The following OPA1 variants were observed in gnomAD, a reference collection of about 807,000 sequenced individuals.
OPA1 encodes the protein dynamin-like GTPase OPA1, mitochondrial.
OPA1 carries 59 observed loss-of-function variants against 152.9 expected under a neutral mutation model. The ratio of observed to expected loss-of-function variants is 0.39; its 90% CI spans 0.31 to 0.48. The LOEUF is 0.48. Ranked by LOEUF, OPA1 falls within the 20% of genes least tolerant of loss-of-function variation. The probability of loss-of-function intolerance (pLI) is 0.96; values close to 1 mark genes in which losing one functional copy is unlikely to be tolerated. For synonymous variants in OPA1, 400 were observed against 389.9 expected, an observed-to-expected ratio of 1.03 and a Z score of -0.31; for missense variants, 1,008 against 1,216.8, an observed-to-expected ratio of 0.83 and a Z score of 2.55.
rs756981921 is a variant in OPA1, at chr3:193,642,808, A to G, written c.1193A>G (p.Asp398Gly). 1 of 1,613,678 alleles carries G rather than the reference A, an allele frequency of 6.2e-7. No individual in the cohort carries two copies. Among genetic ancestry groups the G allele is most frequent in the Non-Finnish European group, 8.5e-7 (1 of 1,179,708 alleles). ...CCTCACCATGTGGCCCTATTTAAAG[A>G]TAGTTCTCGGGAGTTTGATCTTACC... ...EGPHHVALFK[D>G]SSREFDLTKE... The change falls in exon 12 of 31, where the codon GAT becomes GGT. Residue 398 changes from aspartate to glycine, a missense_variant. Asp to Gly is a moderately conservative substitution (Grantham distance 94). Around this residue, in one of 7 missense-constraint regions of OPA1, gnomAD observed 213 missense variants for 291.4 expected, o/e 0.73. Transcript: ENST00000361510.
At position 193,624,168 on chromosome 3, in the gene OPA1, C is replaced by T. The variant is rs570949660; in HGVS notation, c.679-1924C>T. ...AAAAGCATTGTGTGCCTTATAGACG[C>T]GAGTGAGAAATGTGGAATATGGCTG... On this transcript the variant is annotated intron_variant, in intron 6 of 30. Transcript: ENST00000361510. 4 of 152,274 alleles carry T rather than the reference C, an allele frequency of 2.6e-5. No homozygotes were observed. The East Asian group carries it at 5.8e-4, about 22-fold the overall frequency. The allele number at this position is 152,274 out of a possible 1,614,324, so 9.4% of individuals were successfully genotyped here.
At position 193,680,221 on chromosome 3, in the gene OPA1, A is replaced by ACTTCT. The variant is rs540982091; in HGVS notation, c.2984-11842_2984-11841insCTTCT. Among the ~76,000 whole-genome samples the ACTTCT allele has an allele frequency of 3.3e-5, 5 of 152,252 alleles. No individual in the cohort carries two copies. The East Asian group carries it at 9.7e-4, about 29-fold the overall frequency. On this transcript the variant is annotated intron_variant, in intron 29 of 30. Coordinates refer to ENST00000361510, the MANE Select transcript of OPA1 (RefSeq NM_130837.3). ...TTACATTCTCTGATCTTTTACTTTT[A>ACTTCT]AAATTACAGTGATGAACTGACTGTT... is the stretch of plus-strand genomic sequence containing the variant.
intron 29 of OPA1, among the ~76,000 whole-genome samples, chr3:193,682,703 C>T (rs1379044920): frequency 2.0e-5 from 3 of 152,198 alleles, no homozygotes; most frequent in Non-Finnish European, 1.5e-5. Context: ...GATGACAGCA[C>T]ATCTGTTTAC....
At chr3:193,653,247 G>A (rs192867803) in intron 21 of OPA1, among the ~76,000 whole-genome samples, 1 of 152,252 alleles carries the variant, frequency 6.6e-6, no homozygotes, top group Admixed American at 6.5e-5. Flanking sequence ...ACTGGAAAGT[G>A]ACCTGAAAGT....
At chr3:193,689,603 C>G (rs1181637872) in intron 29 of OPA1, among the ~76,000 whole-genome samples, 1 of 152,146 alleles carries the variant, frequency 6.6e-6, no homozygotes, top group African/African-American at 2.4e-5. Context: ...TGGTATCTTT[C>G]AATTCAATTG....
At chr3:193,660,213 T>C (rs1163654343) in intron 25 of OPA1, among the ~76,000 whole-genome samples, 1 of 152,182 alleles carries the variant, frequency 6.6e-6, no homozygotes, top group East Asian at 1.9e-4. Flanking sequence ...ATATCTACCA[T>C]TAAAGTCCCT....
intron 8 of OPA1, 61 bp from the exon 9 acceptor site, chr3:193,635,357 C>T: frequency 1.0e-6 from 1 of 997,980 alleles, no homozygotes; most frequent in Non-Finnish European, 1.6e-6. Context: ...TTAATTTAGA[C>T]TTAATACTAT....
chr3:193,676,757 G>C (rs1719078059), intron 29 of OPA1, among the ~76,000 whole-genome samples: 1 of 152,066 alleles, frequency 6.6e-6, no homozygotes, highest in Admixed American at 6.5e-5. Flanking sequence ...AAGGTGGGCG[G>C]ATCACAAGGT....
At chr3:193,598,991 AC>A (rs1257849951) in intron 1 of OPA1, among the ~76,000 whole-genome samples, 1 of 152,050 alleles carries the variant, frequency 6.6e-6, no homozygotes, top group Non-Finnish European at 1.5e-5. Context: ...GCTGGATAAA[AC>A]CTTGTGGTGA....
intron 21 of OPA1, among the ~76,000 whole-genome samples, chr3:193,653,569 T>C (rs1164253606): frequency 1.3e-5 from 2 of 152,200 alleles, no homozygotes; most frequent in Non-Finnish European, 2.9e-5. Flanking sequence ...TTTTTATTAG[T>C]GACCCATGTT....
At chr3:193,639,279 A>T (rs1733400705) in intron 11 of OPA1, among the ~76,000 whole-genome samples, 1 of 152,230 alleles carries the variant, frequency 6.6e-6, no homozygotes, top group Admixed American at 6.5e-5. Flanking sequence ...AGAGGGAGAC[A>T]GATAATAGAT....
intron 1 of OPA1, among the ~76,000 whole-genome samples, chr3:193,593,650 C>G (rs968539214): frequency 6.6e-6 from 1 of 152,216 alleles, no homozygotes; most frequent in Non-Finnish European, 1.5e-5. Context: ...CTGGACGCCT[C>G]TCAATCTTGG....
intron 19 of OPA1, 63 bp from the exon 20 acceptor site, chr3:193,647,998 TTTTAACCAC>T (rs1734968883): frequency 1.8e-6 from 2 of 1,083,786 alleles, no homozygotes; most frequent in East Asian, 2.4e-5. Context: ...AGGATATGTA[TTTTAACCAC>T]TTTAACCACT....
chr3:193,670,346 C>T (rs1200026678), intron 29 of OPA1, among the ~76,000 whole-genome samples: 6 of 150,682 alleles, frequency 4.0e-5, no homozygotes, highest in South Asian at 2.1e-4. Context: ...TAAGCTTGTA[C>T]GATTTTAAAT....
rs1722119954 is a variant in OPA1, at chr3:193,694,875, GAT to G, written c.*277_*278del. On this transcript the variant is annotated 3_prime_UTR_variant, in exon 31 of 31. Coordinates refer to ENST00000361510, the MANE Select transcript of OPA1 (RefSeq NM_130837.3). The stretch of plus-strand genomic sequence containing the variant: ...ATGGCCATTAGGTTCAGTCCTTGAA[GAT>G]AAGAAACTTGTTCTCTGTTTGTTGT... 1 of 152,198 alleles carries G rather than the reference GAT, an allele frequency of 6.6e-6. No individual in the cohort carries two copies. Among genetic ancestry groups the G allele is most frequent in the South Asian group, 2.1e-4 (1 of 4,824 alleles). 9.4% of individuals were successfully genotyped at this position (152,198 alleles called of 1,614,324 possible). A position where few individuals can be genotyped will look rare whatever the true frequency, so the allele number is the denominator to read the frequency against.
chr3:193,617,957 C>A, intron 5 of OPA1, 120 bp downstream of exon 5: 1 of 732,016 alleles, frequency 1.4e-6, no homozygotes, highest in South Asian at 1.5e-5. Flanking sequence ...TTTAAAACCC[C>A]AGAACTATAT....
chr3:193,611,753 G>C (rs982565558), intron 1 of OPA1, among the ~76,000 whole-genome samples: 1 of 152,140 alleles, frequency 6.6e-6, no homozygotes, highest in Non-Finnish European at 1.5e-5. Context: ...AGCCCCTGCA[G>C]GGAATACTCC....
At chr3:193,647,333 C>T (rs1449186405) in intron 19 of OPA1, among the ~76,000 whole-genome samples, 153 bp downstream of exon 19, 1 of 152,198 alleles carries the variant, frequency 6.6e-6, no homozygotes, top group Admixed American at 6.5e-5. Flanking sequence ...AGAATACAAA[C>T]CTTCAGTTGT....
intron 6 of OPA1, among the ~76,000 whole-genome samples, chr3:193,624,899 A>T (rs1004758366): frequency 6.6e-6 from 1 of 152,182 alleles, no homozygotes; most frequent in Non-Finnish European, 1.5e-5. Flanking sequence ...TAACTCTGAA[A>T]CTATTTAAAA....
Sources: gnomAD v4.1 joint callset for allele counts (sites outside exome capture counted in the v4.1 genomes callset) on GRCh38, gnomAD v4.1.1 for gene constraint, gnomAD v4.1.1 regional missense constraint, MANE v1.5 for transcripts, NCBI Gene and HGNC (gene_info 2026-07-23, HGNC 2026-07-21) for gene names.